Variants in WDR88 observed in about 807,000 individuals in gnomAD.
WDR88 encodes WD repeat-containing protein 88.
Under a neutral mutation model 46.8 loss-of-function variants are expected in WDR88, and 40 were observed. The ratio of observed to expected loss-of-function variants is 0.86; its 90% CI spans 0.66 to 1.11. WDR88 has a LOEUF of 1.11. Among genes scored for constraint, WDR88 ranks in the 50% most tolerant of loss-of-function variants. The pLI is 0.00. For missense variants in WDR88, 562 were observed against 602.4 expected (o/e 0.93, Z 0.70); for synonymous variants, 235 against 240.7 (o/e 0.98, Z 0.22).
At chr19:33,142,617 C>T (rs977419298) in intron 2 of WDR88, among the ~76,000 whole-genome samples, 1 of 151,722 alleles carries the variant, frequency 6.6e-6, no homozygotes, top group Non-Finnish European at 1.5e-5. Flanking sequence ...CTTGGGACAA[C>T]AACCAAGGTG....
chr19:33,137,038 C>A (rs1014898082), intron 1 of WDR88, among the ~76,000 whole-genome samples: 1 of 151,736 alleles, frequency 6.6e-6, no homozygotes, highest in Non-Finnish European at 1.5e-5. Flanking sequence ...TCAAGTAGTC[C>A]TCCCGCCTCA....
chr19:33,172,551 CAG>C, intron 10 of WDR88, 111 bp downstream of exon 10: 1 of 878,862 alleles, frequency 1.1e-6, no homozygotes, highest in South Asian at 1.8e-5. Flanking sequence ...CGTGAACAAA[CAG>C]ACTGACATTT....
At chr19:33,141,930 C>T (rs1973404197) in intron 2 of WDR88, among the ~76,000 whole-genome samples, 1 of 152,210 alleles carries the variant, frequency 6.6e-6, no homozygotes, top group Non-Finnish European at 1.5e-5. Flanking sequence ...ATCTGTCCGC[C>T]TTGGCCTCCC....
chr19:33,133,623 T>G (rs1197657151), intron 1 of WDR88, among the ~76,000 whole-genome samples: 1 of 152,228 alleles, frequency 6.6e-6, no homozygotes, highest in East Asian at 1.9e-4. Context: ...GAGTGTGTTT[T>G]TAATAATTTC....
At chr19:33,142,403 G>C (rs925396586) in intron 2 of WDR88, among the ~76,000 whole-genome samples, 1 of 152,020 alleles carries the variant, frequency 6.6e-6, no homozygotes, top group Admixed American at 6.6e-5. Context: ...AGGGAGGAGG[G>C]CTGGAAGCAG....
At chr19:33,134,596 TG>T (rs1260962657) in intron 1 of WDR88, among the ~76,000 whole-genome samples, 1 of 151,002 alleles carries the variant, frequency 6.6e-6, no homozygotes, top group Non-Finnish European at 1.5e-5. Context: ...GCGGGGGCGG[TG>T]CGGGAGGGCC....
intron 4 of WDR88, among the ~76,000 whole-genome samples, chr19:33,148,241 C>T (rs1484484681): frequency 2.6e-5 from 4 of 152,070 alleles, no homozygotes; most frequent in African/African-American, 9.7e-5. Flanking sequence ...GCACCCTCAG[C>T]TCTGCTCAGG....
At chr19:33,173,405 CAG>C (rs1484163560) in intron 10 of WDR88, among the ~76,000 whole-genome samples, 1 of 152,232 alleles carries the variant, frequency 6.6e-6, no homozygotes, top group Non-Finnish European at 1.5e-5. Context: ...TCTGCTTCAC[CAG>C]GCACAGCTGG....
intron 1 of WDR88, among the ~76,000 whole-genome samples, chr19:33,136,142 G>A (rs1372544590): frequency 1.3e-5 from 2 of 151,266 alleles, no homozygotes; most frequent in African/African-American, 4.9e-5. Context: ...TGCAACCTCC[G>A]CCTCCCGGGT....
intron 9 of WDR88, among the ~76,000 whole-genome samples, chr19:33,170,754 C>T (rs760076151): frequency 8.6e-5 from 13 of 151,740 alleles, no homozygotes; most frequent in African/African-American, 2.9e-4. Context: ...CCCAGCTATT[C>T]GGGGGGCCAA....
chr19:33,168,089 A>G (rs924282892), intron 9 of WDR88, among the ~76,000 whole-genome samples: 1 of 150,168 alleles, frequency 6.7e-6, no homozygotes, highest in African/African-American at 2.5e-5. Context: ...GTGCAGTGGC[A>G]TGATCTTGGC....
At chr19:33,175,115 A>G (rs1974100840) in intron 10 of WDR88, 4 of 702,858 alleles carry the variant, frequency 5.7e-6, no homozygotes, top group Non-Finnish European at 7.0e-6. Flanking sequence ...CACGCCTGTA[A>G]TCCCAGCTAC....
intron 5 of WDR88, among the ~76,000 whole-genome samples, chr19:33,149,942 G>A (rs1463481125): frequency 6.6e-6 from 1 of 152,048 alleles, no homozygotes; most frequent in Non-Finnish European, 1.5e-5. Flanking sequence ...TTACGGGCAT[G>A]AGCCACTGTG....
rs549990565 is a variant in WDR88 at position 33,162,503 on chromosome 19, G to A, written c.1081-1694G>A. 2.1e-4 allele frequency among the ~76,000 whole-genome samples: 32 copies of A among 151,958 alleles called. No individual in the cohort carries two copies. The South Asian group carries it at 6.5e-3, about 31-fold the overall frequency. On this transcript the variant is annotated intron_variant, in intron 8 of 10. Transcript: ENST00000355868. Reference sequence around the variant, plus strand: ...GCTGGCATTACAGGCATGGAGCACCGCGCCCGGCCTGCTCTGAGCTCCTAT... The same window carrying A: ...GCTGGCATTACAGGCATGGAGCACCACGCCCGGCCTGCTCTGAGCTCCTAT...
chr19:33,133,208 G>C (rs891292130), intron 1 of WDR88, among the ~76,000 whole-genome samples: 6 of 147,804 alleles, frequency 4.1e-5, no homozygotes, highest in Non-Finnish European at 8.9e-5. Flanking sequence ...TAGAGAGAGA[G>C]AGAGAAAGAA....
intron 1 of WDR88, among the ~76,000 whole-genome samples, chr19:33,135,246 C>T (rs920221558): frequency 6.6e-6 from 1 of 152,118 alleles, no homozygotes; most frequent in Non-Finnish European, 1.5e-5. Flanking sequence ...GCTTTCTGTC[C>T]ATAGATTTGT....
At chr19:33,171,616 G>A (rs1281313943) in intron 9 of WDR88, among the ~76,000 whole-genome samples, 1 of 152,070 alleles carries the variant, frequency 6.6e-6, no homozygotes, top group Non-Finnish European at 1.5e-5. Context: ...AGTCTGATAA[G>A]CTCTCACTGG....
At position 33,152,234 on chromosome 19, in the gene WDR88, A is replaced by AATATAT. The variant is rs58282641; in HGVS notation, c.809+938_809+943dup. Among the ~76,000 whole-genome samples, 1,301 of 147,468 alleles carry AATATAT rather than the reference A, an allele frequency of 8.8e-3. 16 individuals carry two copies. The highest frequency in any genetic ancestry group is 0.027 in the African/African-American group (1,067 of 40,000). ...GTGACAGAGTGAGACTCTGTCTCAA[A>AATATAT]ATATATATATATATATATACACGCA... On this transcript the variant is annotated intron_variant, in intron 6 of 10. Coordinates refer to ENST00000355868, the MANE Select transcript of WDR88 (RefSeq NM_173479.4).
At position 33,156,517 on chromosome 19, in the gene WDR88, C is replaced by T. The variant is rs1335918981; in HGVS notation, c.972C>T (p.Val324=). The change falls in exon 7 of 11, where the codon GTC becomes GTT. Residue 324 remains valine (V), a synonymous_variant. Coordinates refer to ENST00000355868, the MANE Select transcript of WDR88 (RefSeq NM_173479.4). ...TGATGCAGGGCCATGAAGGTTCTGT[C>T]AGTTCCTGTCACTTTGCCAGAGACA... is the stretch of plus-strand genomic sequence containing the variant. ...VTLMQGHEGS[V]SSCHFARDSS... is the part of the protein sequence containing the mutation. 1 of 1,613,542 alleles carries T rather than the reference C, an allele frequency of 6.2e-7. No individual in the cohort carries two copies. Among genetic ancestry groups the T allele is most frequent in the Non-Finnish European group, 8.5e-7 (1 of 1,179,786 alleles).
Sources: gnomAD v4.1 joint callset for allele counts (sites outside exome capture counted in the v4.1 genomes callset) on GRCh38, gnomAD v4.1.1 for gene constraint, MANE v1.5 for transcripts, NCBI Gene and HGNC (gene_info 2026-07-23, HGNC 2026-07-21) for gene names.